ILKAP: variants seen among roughly 807,000 people sequenced by gnomAD.
ILKAP encodes the protein ILK associated serine/threonine phosphatase.
ILKAP carries 11 observed loss-of-function variants against 49.1 expected under a neutral mutation model. The observed-to-expected ratio is 0.22, with a 90% CI of 0.14 to 0.37. ILKAP has a LOEUF of 0.37. Among genes scored for constraint, ILKAP ranks in the 10% least tolerant of loss-of-function variants. The probability of loss-of-function intolerance (pLI) is 1.00; values close to 1 mark genes in which losing one functional copy is unlikely to be tolerated. For synonymous variants in ILKAP, 186 were observed against 192.8 expected (o/e 0.96, Z 0.29); for missense variants, 363 against 510.8 (o/e 0.71, Z 2.79).
intron 9 of ILKAP, among the ~76,000 whole-genome samples, chr2:238,175,478 C>T (rs6726348): frequency 0.46 from 70,215 of 152,088 alleles, 16,433 homozygotes; most frequent in Middle Eastern, 0.59. Context: ...GACAGAATGA[C>T]AGATCCCAGG....
intron 1 of ILKAP, among the ~76,000 whole-genome samples, chr2:238,196,086 CTTTTTTTTT>C (rs34504570): frequency 1.3e-5 from 1 of 77,468 alleles, no homozygotes; most frequent in African/African-American, 5.4e-5. Flanking sequence ...AACCAATTCA[CTTTTTTTTT>C]TTTTTTTTTT....
chr2:238,195,620 A>G (rs1283950204), intron 1 of ILKAP, among the ~76,000 whole-genome samples: 1 of 152,216 alleles, frequency 6.6e-6, no homozygotes, highest in Non-Finnish European at 1.5e-5. Context: ...TTAAGCTATT[A>G]GATATCTGAA....
intron 10 of ILKAP, 119 bp downstream of exon 10, chr2:238,173,415 C>T: frequency 7.6e-7 from 1 of 1,323,148 alleles, no homozygotes; most frequent in Non-Finnish European, 1.0e-6. Flanking sequence ...ATCTCTGCAC[C>T]CCCAGGGCCT....
intron 8 of ILKAP, among the ~76,000 whole-genome samples, chr2:238,182,715 A>G (rs1693747972): frequency 6.6e-6 from 1 of 152,240 alleles, no homozygotes; most frequent in Non-Finnish European, 1.5e-5. Context: ...ATAAAGTCAC[A>G]GAGCAGAGCC....
At chr2:238,176,463 G>A (rs1200009307) in intron 9 of ILKAP, among the ~76,000 whole-genome samples, 2 of 152,186 alleles carry the variant, frequency 1.3e-5, no homozygotes, top group African/African-American at 2.4e-5. Flanking sequence ...AGCCTACCAA[G>A]CCAATCTGCC....
Position 238,170,635 on chromosome 2 carries a change from G to T in ILKAP, c.1080C>A (p.Asp360Glu), listed in dbSNP as rs34150107. The T allele has an allele frequency of 4.0e-5, 64 of 1,601,770 alleles. 1 individual carries two copies. The East Asian group carries it at 7.2e-4, about 18-fold the overall frequency. The change falls in exon 12 of 12, where the codon GAC becomes GAA. Residue 360 changes from aspartate to glutamate, a missense_variant. Asp to Glu is a conservative substitution (Grantham distance 45). Transcript: ENST00000254654. Reference protein sequence around the residue: ...IQTREGKSAADARYEAACNRL... With the variant: ...IQTREGKSAAEARYEAACNRL... ...TGTTGCAGGCTGCTTCGTAGCGGGC[G>T]TCGGCTGCGGACTTCCCTTCCCGGG...
intron 1 of ILKAP, among the ~76,000 whole-genome samples, chr2:238,200,306 C>T (rs1188326821): frequency 2.0e-5 from 3 of 151,976 alleles, no homozygotes; most frequent in East Asian, 3.9e-4. Flanking sequence ...TAGCAAAATA[C>T]CTGAAATATT....
chr2:238,184,052 A>G lies in ILKAP; in HGVS notation c.594T>C (p.Thr198=). 4 of 1,611,186 alleles carry G rather than the reference A, an allele frequency of 2.5e-6. No homozygotes were observed. The highest frequency in any genetic ancestry group is 3.4e-6 in the Non-Finnish European group (4 of 1,177,292). The change falls in exon 7 of 12, where the codon ACT becomes ACC. Residue 198 remains threonine (T), a synonymous_variant. Transcript: ENST00000254654. ...KRCLLDTFKH[T]DEEFLKQASS... is the part of the protein sequence containing the mutation. ...AAGCTTGTTTAAGGAACTCTTCATC[A>G]GTATGCTTGAAAGTGTCCAAAAGGC...
intron 7 of ILKAP, 58 bp from the exon 8 acceptor site, chr2:238,183,798 A>C: frequency 7.8e-7 from 1 of 1,284,954 alleles, no homozygotes; most frequent in Non-Finnish European, 1.1e-6. Flanking sequence ...CTTTGAGACT[A>C]ATTTCCAGAG....
chr2:238,174,510 C>T (rs990918493), intron 9 of ILKAP, among the ~76,000 whole-genome samples: 4 of 152,190 alleles, frequency 2.6e-5, no homozygotes, highest in East Asian at 1.9e-4. Flanking sequence ...AAGATCACCA[C>T]GGGGCTCCCA....
At position 238,182,259 on chromosome 2, in the gene ILKAP, C is replaced by G. The variant is rs966929256; in HGVS notation, c.715-73G>C. On this transcript the variant is annotated intron_variant, in intron 8 of 11. Coordinates refer to ENST00000254654, the MANE Select transcript of ILKAP (RefSeq NM_030768.3). ...ATCTAAAGGTACCAGTTGAAAAAAA[C>G]AGTTAACAATGGAGTTTGAAGAAAA... The G allele has an allele frequency of 2.6e-5, 40 of 1,556,258 alleles. No individual in the cohort carries two copies. The South Asian group carries it at 2.7e-4, about 11-fold the overall frequency.
At chr2:238,173,132 A>G (rs898439616) in intron 10 of ILKAP, among the ~76,000 whole-genome samples, 1 of 152,122 alleles carries the variant, frequency 6.6e-6, no homozygotes, top group Non-Finnish European at 1.5e-5. Flanking sequence ...ATCTGCCCCC[A>G]AAGTACCCTG....
At chr2:238,199,852 C>T (rs1694497230) in intron 1 of ILKAP, among the ~76,000 whole-genome samples, 1 of 151,980 alleles carries the variant, frequency 6.6e-6, no homozygotes. Context: ...TGGCCTCAAG[C>T]CATCCTCCTG....
chr2:238,184,659 C>G (rs1246290004), intron 6 of ILKAP, among the ~76,000 whole-genome samples: 1 of 151,896 alleles, frequency 6.6e-6, no homozygotes, highest in African/African-American at 2.4e-5. Context: ...TCCTGGGGCT[C>G]AGAAAATCCT....
At chr2:238,200,212 G>A (rs1028000594) in intron 1 of ILKAP, among the ~76,000 whole-genome samples, 15 of 151,914 alleles carry the variant, frequency 9.9e-5, no homozygotes, top group African/African-American at 3.4e-4. Context: ...TTTTTTTTAG[G>A]TAAAATATAT....
intron 5 of ILKAP, chr2:238,185,683 A>AG (rs1201727960): frequency 6.1e-6 from 1 of 163,866 alleles, no homozygotes; most frequent in African/African-American, 2.4e-5. Context: ...AGGCACCTAC[A>AG]GTCCCAGCTA....
intron 5 of ILKAP, chr2:238,186,318 T>C (rs1311292511): frequency 6.6e-6 from 1 of 152,144 alleles, no homozygotes; most frequent in East Asian, 1.9e-4. Context: ...TACCTAAACA[T>C]AGAAAAGGTA....
Position 238,203,452 on chromosome 2 carries a change from C to T in ILKAP, c.55+47G>A, listed in dbSNP as rs1574816314. Reference sequence around the variant, plus strand: ...CCCCGGGCCTCAGGCCGCCCCCATCCCGCCTGCTCTCCCTTCCCTGGCCGG... The same window carrying T: ...CCCCGGGCCTCAGGCCGCCCCCATCTCGCCTGCTCTCCCTTCCCTGGCCGG... On this transcript the variant is annotated intron_variant, in intron 1 of 11. Transcript: ENST00000254654. 16 of 1,153,988 alleles carry T rather than the reference C, an allele frequency of 1.4e-5. 1 individual carries two copies. In the South Asian group the frequency reaches 2.8e-4, roughly 20 times the overall value. 71.5% of individuals were successfully genotyped at this position (1,153,988 alleles called of 1,614,324 possible). A position where few individuals can be genotyped will look rare whatever the true frequency, so the allele number is the denominator to read the frequency against.
intron 6 of ILKAP, 107 bp from the exon 7 acceptor site, chr2:238,184,220 T>C: frequency 1.4e-6 from 1 of 705,628 alleles, no homozygotes; most frequent in Admixed American, 2.2e-5. Flanking sequence ...AGACGGAGTC[T>C]CGTTCTGTCA....
Sources: allele counts gnomAD v4.1 joint callset (sites outside exome capture counted in the v4.1 genomes callset), GRCh38; gene constraint gnomAD v4.1.1; transcripts MANE v1.5; gene names NCBI Gene and HGNC (gene_info 2026-07-23, HGNC 2026-07-21).